Variants in SARNP observed in about 807,000 individuals in gnomAD.
SARNP encodes the protein SAP domain containing ribonucleoprotein.
A neutral mutation model predicts 38.1 loss-of-function variants in SARNP; 5 were observed. The ratio of observed to expected loss-of-function variants is 0.13; its 90% CI spans 0.07 to 0.28. The LOEUF (loss-of-function observed/expected upper bound fraction) is 0.28. Ranked by LOEUF, SARNP falls within the 10% of genes least tolerant of loss-of-function variation. The pLI is 1.00. For synonymous variants in SARNP, 84 were observed against 80.6 expected (o/e 1.04, Z -0.23); for missense variants, 180 against 243.9 (o/e 0.74, Z 1.75).
intron 9 of SARNP, among the ~76,000 whole-genome samples, chr12:55,768,648 G>A (rs910089750): frequency 4.6e-5 from 7 of 151,916 alleles, no homozygotes; most frequent in South Asian, 2.1e-4. Flanking sequence ...GGCTGGTCTC[G>A]AACTCCTGAC....
At chr12:55,790,627 TAA>T in intron 7 of SARNP, 35 bp from the exon 8 acceptor site, 1 of 1,463,266 alleles carries the variant, frequency 6.8e-7, no homozygotes, top group Non-Finnish European at 9.1e-7. Context: ...TTAATATTTT[TAA>T]AAGTCATCAA....
At chr12:55,803,579 A>T in intron 2 of SARNP, 50 bp downstream of exon 2, 1 of 1,138,112 alleles carries the variant, frequency 8.8e-7, no homozygotes. Flanking sequence ...TCAGTGTCAA[A>T]GCCTGAAAAT....
At position 55,795,979 on chromosome 12, in the gene SARNP, G is replaced by A. The variant is rs921263259; in HGVS notation, c.303+46C>T. On this transcript the variant is annotated intron_variant, in intron 5 of 10. Transcript: ENST00000336133. ...TGCAGATATAATAAAGGGTAAGAGG[G>A]AGAGAGAAATGTAGAGACTGTTCTA... 4.6e-6 allele frequency: 6 copies of A among 1,293,312 alleles called. No homozygotes were observed. The African/African-American group carries it at 5.9e-5, about 13-fold the overall frequency. The allele number at this position is 1,293,312 out of a possible 1,614,324, so 80.1% of individuals were successfully genotyped here. A position where few individuals can be genotyped will look rare whatever the true frequency, so the allele number is the denominator to read the frequency against.
intron 9 of SARNP, among the ~76,000 whole-genome samples, chr12:55,777,852 A>G (rs919556345): frequency 1.3e-5 from 2 of 152,172 alleles, no homozygotes; most frequent in Admixed American, 1.3e-4. Context: ...TTTAGAATAC[A>G]TTGTCTAGCG....
chr12:55,812,758 A>T (rs116274521), intron 1 of SARNP, among the ~76,000 whole-genome samples: 4 of 152,236 alleles, frequency 2.6e-5, no homozygotes, highest in Non-Finnish European at 5.9e-5. Flanking sequence ...AATGTCTTTC[A>T]AATTCATTCC....
intron 10 of SARNP, among the ~76,000 whole-genome samples, chr12:55,757,826 T>C (rs1878558930): frequency 2.0e-5 from 3 of 152,020 alleles, no homozygotes; most frequent in African/African-American, 7.2e-5. Flanking sequence ...TGGTAGAAAA[T>C]GGGAAGATTC....
intron 1 of SARNP, among the ~76,000 whole-genome samples, chr12:55,808,124 T>C (rs2136205994): frequency 6.6e-6 from 1 of 152,348 alleles, no homozygotes; most frequent in East Asian, 1.9e-4. Flanking sequence ...ACTTCTTTTG[T>C]TATATAGTGA....
At chr12:55,784,956 C>T (rs1382343372) in intron 9 of SARNP, among the ~76,000 whole-genome samples, 1 of 152,184 alleles carries the variant, frequency 6.6e-6, no homozygotes, top group East Asian at 1.9e-4. Context: ...CATACATATT[C>T]TAGTAAAGTG....
intron 1 of SARNP, among the ~76,000 whole-genome samples, chr12:55,805,774 G>C (rs1880119726): frequency 6.6e-6 from 1 of 152,134 alleles, no homozygotes; most frequent in Non-Finnish European, 1.5e-5. Context: ...GCTTAAACCT[G>C]GGAGGCGGAG....
At chr12:55,774,336 C>G (rs2136185393) in intron 9 of SARNP, among the ~76,000 whole-genome samples, 1 of 152,086 alleles carries the variant, frequency 6.6e-6, no homozygotes, top group East Asian at 1.9e-4. Flanking sequence ...TTTCAACCAC[C>G]TCATACCTAA....
intron 7 of SARNP, chr12:55,793,968 G>A (rs766885072): frequency 3.5e-5 from 7 of 199,704 alleles, no homozygotes; most frequent in Non-Finnish European, 6.1e-5. Context: ...TTCCTTATAC[G>A]TTCCTAGAAG....
rs1880539790 is a variant in SARNP at position 55,817,659 on chromosome 12, A to G, written c.36+7T>C. 7 of 1,611,474 alleles carry G rather than the reference A, an allele frequency of 4.3e-6. No homozygotes were observed. The highest frequency in any genetic ancestry group is 5.1e-6 in the Non-Finnish European group (6 of 1,178,846). On this transcript the variant is annotated splice_region_variant and intron_variant, in intron 1 of 10. Coordinates refer to ENST00000336133, the MANE Select transcript of SARNP (RefSeq NM_033082.4). ...GTCCAACTCAGCCCTTCCCCGATTC[A>G]CGGTACCTTTAGCTTATGGAGCTCC... is the stretch of plus-strand genomic sequence containing the variant.
chr12:55,813,503 G>C (rs1409125968), intron 1 of SARNP, among the ~76,000 whole-genome samples: 1 of 149,506 alleles, frequency 6.7e-6, no homozygotes, highest in Non-Finnish European at 1.5e-5. Flanking sequence ...AGTGTGCAAT[G>C]ATTAGAACAT....
chr12:55,799,607 G>A (rs1244665612), intron 4 of SARNP, among the ~76,000 whole-genome samples: 2 of 127,678 alleles, frequency 1.6e-5, no homozygotes, highest in East Asian at 2.3e-4. Flanking sequence ...AGGCTGGAGT[G>A]CAGTGCCACA....
chr12:55,757,920 T>G (rs1878561823), intron 10 of SARNP, among the ~76,000 whole-genome samples: 1 of 152,120 alleles, frequency 6.6e-6, no homozygotes, highest in Non-Finnish European at 1.5e-5. Flanking sequence ...AGTCTTCCAG[T>G]CAATGGGGAG....
intron 10 of SARNP, 161 bp downstream of exon 10, chr12:55,760,390 A>G: frequency 1.7e-6 from 1 of 573,418 alleles, no homozygotes; most frequent in Admixed American, 3.1e-5. Flanking sequence ...TTCTCTACTC[A>G]GTTTATTCAC....
intron 9 of SARNP, among the ~76,000 whole-genome samples, chr12:55,779,529 T>C (rs1455498965): frequency 6.6e-6 from 1 of 152,210 alleles, no homozygotes; most frequent in Non-Finnish European, 1.5e-5. Context: ...CCTTTAAAGA[T>C]ATTCTACCAA....
chr12:55,799,888 T>C (rs1430150195), intron 4 of SARNP, among the ~76,000 whole-genome samples: 1 of 150,740 alleles, frequency 6.6e-6, no homozygotes, highest in Non-Finnish European at 1.5e-5. Context: ...GCAAAACTCT[T>C]ATGAACAGTT....
Position 55,800,912 on chromosome 12 carries a change from T to C in SARNP, c.137-12A>G. 6.2e-7 allele frequency: 1 copy of C among 1,608,602 alleles called. No homozygotes were observed. The highest frequency in any genetic ancestry group is 1.1e-5 in the South Asian group (1 of 90,974). On this transcript the variant is annotated splice_polypyrimidine_tract_variant and intron_variant, in intron 2 of 10. Coordinates refer to ENST00000336133, the MANE Select transcript of SARNP (RefSeq NM_033082.4). ...TGCCTCCTCTTCAGCTAAAGAATATTAAAATATTCAGGTCAAGCCCTGCTA... is the reference window on the plus strand; with the variant it reads ...TGCCTCCTCTTCAGCTAAAGAATATCAAAATATTCAGGTCAAGCCCTGCTA...
Sources: allele counts gnomAD v4.1 joint callset (sites outside exome capture counted in the v4.1 genomes callset), GRCh38; gene constraint gnomAD v4.1.1; transcripts MANE v1.5; gene names NCBI Gene and HGNC (gene_info 2026-07-23, HGNC 2026-07-21).